Variants in SAMSN1 observed in about 807,000 individuals in gnomAD.
The protein encoded by SAMSN1 is SAM domain-containing protein SAMSN-1.
In SAMSN1, 31 loss-of-function variants were observed where a neutral mutation model predicts 42.0. The observed-to-expected ratio is 0.74, with a 90% CI of 0.55 to 1.00. The LOEUF is 1.00. SAMSN1 is among the 50% of genes least tolerant of loss of function. SAMSN1 has a pLI of 0.00. For missense variants in SAMSN1, 464 were observed against 439.4 expected (o/e 1.06, Z -0.50); for synonymous variants, 178 against 151.9 (o/e 1.17, Z -1.26).
chr21:14,521,148 A>T lies in SAMSN1; in HGVS notation c.129+2T>A. 1 of 1,589,150 alleles carries T rather than the reference A, an allele frequency of 6.3e-7. No homozygotes were observed. The highest frequency in any genetic ancestry group is 8.6e-7 in the Non-Finnish European group (1 of 1,160,962). On this transcript the variant is annotated splice_donor_variant, in intron 2 of 7. Transcript: ENST00000400566. LOFTEE classifies it high-confidence loss of function. ...TTCATAAAAATGGAATAAACTACGA[A>T]CCTCAGTTGAATCATCTGGTTTTGA...
chr21:14,512,597 A>G (rs372937127), intron 3 of SAMSN1, 24 bp from the exon 4 acceptor site: 8 of 1,611,992 alleles, frequency 5.0e-6, no homozygotes, highest in Non-Finnish European at 6.8e-6. Flanking sequence ...ATCAGAGGTT[A>G]GGTACAGAGA....
chr21:14,525,238 T>A (rs1009796411), intron 1 of SAMSN1, among the ~76,000 whole-genome samples: 1 of 152,124 alleles, frequency 6.6e-6, no homozygotes, highest in African/African-American at 2.4e-5. Flanking sequence ...AAGCATTAAA[T>A]ACAACTAATG....
At chr21:14,600,775 T>C (rs1003972729) in intron 6 of SAMSN1, among the ~76,000 whole-genome samples, 6 of 152,300 alleles carry the variant, frequency 3.9e-5, no homozygotes, top group African/African-American at 1.4e-4. Context: ...AGATATTATA[T>C]CTGAGGTCTC....
chr21:14,602,897 T>A (rs1426716974), intron 5 of SAMSN1, among the ~76,000 whole-genome samples: 6 of 152,132 alleles, frequency 3.9e-5, no homozygotes, highest in Non-Finnish European at 5.9e-5. Flanking sequence ...CTATCCTCCA[T>A]GCACAGTGAT....
intron 4 of SAMSN1, chr21:14,609,690 GA>G: frequency 1.5e-6 from 1 of 663,968 alleles, no homozygotes; most frequent in Non-Finnish European, 2.8e-6. Context: ...GGTATCTTAA[GA>G]GAGCTCTAGT....
chr21:14,650,242 T>A (rs568400358), intron 1 of SAMSN1, among the ~76,000 whole-genome samples: 2 of 152,286 alleles, frequency 1.3e-5, no homozygotes, highest in East Asian at 3.9e-4. Flanking sequence ...GAATACTCAT[T>A]CTTTTCCCTA....
At chr21:14,636,484 C>T (rs887185414) in intron 2 of SAMSN1, among the ~76,000 whole-genome samples, 6 of 152,184 alleles carry the variant, frequency 3.9e-5, no homozygotes, top group Admixed American at 3.9e-4. Flanking sequence ...TCTGTCACTG[C>T]AGTCAAGTCA....
chr21:14,603,455 G>A (rs371031739), intron 5 of SAMSN1, among the ~76,000 whole-genome samples: 2 of 152,330 alleles, frequency 1.3e-5, no homozygotes, highest in African/African-American at 2.4e-5. Context: ...AAGAGACAAG[G>A]CCAGAATGGA....
chr21:14,582,281 T>A, exon 2 of SAMSN1: 1 of 1,550,832 alleles, frequency 6.4e-7, no homozygotes, highest in Non-Finnish European at 8.7e-7. Context: ...AGGCTTCCAG[T>A]GATGCCACAT....
At chr21:14,601,947 C>T (rs375883519) in intron 6 of SAMSN1, 1 of 536,530 alleles carries the variant, frequency 1.9e-6, no homozygotes, top group Admixed American at 3.1e-5. Context: ...GTATTGTACA[C>T]TATGCCTAAT....
At chr21:14,558,243 G>A (rs1980824836) in intron 2 of SAMSN1, among the ~76,000 whole-genome samples, 1 of 151,974 alleles carries the variant, frequency 6.6e-6, no homozygotes, top group African/African-American at 2.4e-5. Flanking sequence ...GGATTGACAA[G>A]TAACAGGATT....
chr21:14,602,029 G>A (rs745560035), exon 6 of SAMSN1: 3 of 688,138 alleles, frequency 4.4e-6, no homozygotes, highest in Admixed American at 4.5e-5. Flanking sequence ...TTACCTGATA[G>A]GAAGTTCCTT....
intron 2 of SAMSN1, among the ~76,000 whole-genome samples, chr21:14,560,036 C>T (rs1980896506): frequency 6.6e-6 from 1 of 152,160 alleles, no homozygotes; most frequent in African/African-American, 2.4e-5. Context: ...CCTTCCAAGA[C>T]TTTACAGTTC....
rs565722547 is a variant in SAMSN1, at chr21:14,648,799, G to C, written c.25-5666C>G. ...GTGCTGGAGAGGATGTGGAGAAATA[G>C]GAACACTTTTACACTGTGGGTGGGA... is the stretch of plus-strand genomic sequence containing the variant. On this transcript the variant is annotated intron_variant, in intron 1 of 15. Coordinates refer to the SAMSN1 transcript ENST00000647101. Among the ~76,000 whole-genome samples the C allele has an allele frequency of 1.3e-4, 20 of 152,144 alleles. No individual in the cohort carries two copies. The South Asian group carries it at 3.5e-3, about 27-fold the overall frequency.
chr21:14,602,962 G>A (rs1982473783), intron 5 of SAMSN1, among the ~76,000 whole-genome samples: 1 of 152,144 alleles, frequency 6.6e-6, no homozygotes, highest in Non-Finnish European at 1.5e-5. Context: ...TAAAAGATAT[G>A]TTAAATTCAC....
In SAMSN1 at chr21:14,644,262, C is replaced by G. The variant is rs940470649; in HGVS notation, c.25-1129G>C. On this transcript the variant is annotated intron_variant, in intron 1 of 15. Coordinates refer to the SAMSN1 transcript ENST00000647101. Reference sequence around the variant, plus strand: ...ATATCTTGAGGCTCCAAAAGAGACCCCTTCCTTCTGCTTGAGGAGAGACGG... The same window carrying G: ...ATATCTTGAGGCTCCAAAAGAGACCGCTTCCTTCTGCTTGAGGAGAGACGG... Among the ~76,000 whole-genome samples the G allele has an allele frequency of 2.0e-5, 3 of 151,994 alleles. No individual in the cohort carries two copies. In the East Asian group the frequency reaches 5.8e-4, roughly 29 times the overall value.
At chr21:14,560,629 A>G (rs1166758247) in intron 2 of SAMSN1, among the ~76,000 whole-genome samples, 1 of 152,194 alleles carries the variant, frequency 6.6e-6, no homozygotes, top group Non-Finnish European at 1.5e-5. Flanking sequence ...GTAATCAACA[A>G]GCTTTAGAAA....
intron 6 of SAMSN1, chr21:14,598,432 G>T (rs911279350): frequency 6.6e-6 from 1 of 152,152 alleles, no homozygotes; most frequent in East Asian, 1.9e-4. Context: ...ATAAATGCTG[G>T]GAGTCAAGTT....
intron 2 of SAMSN1, among the ~76,000 whole-genome samples, chr21:14,621,378 G>C (rs1166430387): frequency 6.6e-6 from 1 of 152,154 alleles, no homozygotes; most frequent in African/African-American, 2.4e-5. Context: ...AAGGGACCAG[G>C]GAATCCTCTT....
Sources: gnomAD v4.1 joint callset for allele counts (sites outside exome capture counted in the v4.1 genomes callset) on GRCh38, gnomAD v4.1.1 for gene constraint, MANE v1.5 for transcripts, NCBI Gene and HGNC (gene_info 2026-07-23, HGNC 2026-07-21) for gene names.